The following RAB20 variants were observed in gnomAD, a reference collection of about 807,000 sequenced individuals.
RAB20 encodes ras-related protein Rab-20.
Under a neutral mutation model 3.7 loss-of-function variants are expected in RAB20, and 2 were observed. The observed-to-expected ratio is 0.54, with a 90% CI of 0.22 to 1.69. The LOEUF (loss-of-function observed/expected upper bound fraction) is 1.69, where lower values mean the gene tolerates loss of function less well. RAB20 is among the 40% of genes most tolerant of loss of function. RAB20 has a pLI of 0.19. For synonymous variants in RAB20, 126 were observed against 130.8 expected (o/e 0.96, Z 0.25); for missense variants, 276 against 311.9 (o/e 0.88, Z 0.87).
At chr13:110,551,439 C>T (rs1212324040) in intron 1 of RAB20, among the ~76,000 whole-genome samples, 1 of 152,170 alleles carries the variant, frequency 6.6e-6, no homozygotes, top group East Asian at 1.9e-4. Context: ...CAAGTGCCAG[C>T]AGGCAGATAA....
chr13:110,533,557 G>A (rs759558534), intron 1 of RAB20, among the ~76,000 whole-genome samples: 3 of 152,082 alleles, frequency 2.0e-5, no homozygotes, highest in Non-Finnish European at 4.4e-5. Context: ...ATGATGGTAT[G>A]TGCCTGTAGT....
In RAB20 at chr13:110,544,162, C is replaced by G. The variant is rs559635861; in HGVS notation, c.172+17186G>C. Reference sequence around the variant, plus strand: ...ATTTATTGAAGAGGCTGTCCTTTCCCCCAAAGGTTCTTGGCATCTTTGTCA... The same window carrying G: ...ATTTATTGAAGAGGCTGTCCTTTCCGCCAAAGGTTCTTGGCATCTTTGTCA... On this transcript the variant is annotated intron_variant, in intron 1 of 1. Transcript: ENST00000267328. Among the ~76,000 whole-genome samples the G allele has an allele frequency of 1.2e-4, 19 of 152,268 alleles. No homozygotes were observed. The South Asian group carries it at 3.9e-3, about 32-fold the overall frequency.
intron 1 of RAB20, among the ~76,000 whole-genome samples, chr13:110,546,701 T>G (rs1398634568): frequency 2.5e-5 from 1 of 39,346 alleles, no homozygotes; most frequent in Non-Finnish European, 8.5e-5. Flanking sequence ...TGAACTTCTG[T>G]TTTTTTTTGT....
chr13:110,558,822 C>T (rs777265970), intron 1 of RAB20, among the ~76,000 whole-genome samples: 4 of 151,818 alleles, frequency 2.6e-5, no homozygotes, highest in East Asian at 3.9e-4. Context: ...CTCAGCCTCC[C>T]GAGTAGCTGG....
chr13:110,550,112 G>A (rs1346822060), intron 1 of RAB20, among the ~76,000 whole-genome samples: 1 of 152,078 alleles, frequency 6.6e-6, no homozygotes, highest in Non-Finnish European at 1.5e-5. Context: ...CAGGGTTCAG[G>A]GAGCTCCCAG....
chr13:110,539,605 G>A (rs1299671937), intron 1 of RAB20, among the ~76,000 whole-genome samples: 1 of 149,798 alleles, frequency 6.7e-6, no homozygotes, highest in Non-Finnish European at 1.5e-5. Flanking sequence ...TGTTGCCCAG[G>A]CTGGAGTGCA....
At chr13:110,552,692 CAAATAAATAAATAAAT>C (rs199741920) in intron 1 of RAB20, among the ~76,000 whole-genome samples, 2,664 of 144,766 alleles carry the variant, frequency 0.018, 69 homozygotes, top group African/African-American at 0.064. Flanking sequence ...GACTCCATCT[CAAATAAATAAATAAAT>C]AAATAAATAA....
At chr13:110,545,021 G>T (rs1884828826) in intron 1 of RAB20, among the ~76,000 whole-genome samples, 1 of 152,024 alleles carries the variant, frequency 6.6e-6, no homozygotes, top group Non-Finnish European at 1.5e-5. Flanking sequence ...ATTTTCTCTT[G>T]CCGCCACCAT....
At chr13:110,559,170 G>T (rs1449114891) in intron 1 of RAB20, among the ~76,000 whole-genome samples, 1 of 152,078 alleles carries the variant, frequency 6.6e-6, no homozygotes, top group Non-Finnish European at 1.5e-5. Flanking sequence ...CCATGCAATC[G>T]TTTTTACTAT....
chr13:110,557,479 T>C (rs184528356), intron 1 of RAB20, among the ~76,000 whole-genome samples: 16 of 152,196 alleles, frequency 1.1e-4, no homozygotes, highest in Non-Finnish European at 2.2e-4. Flanking sequence ...GAGGAGGCCC[T>C]GGTGTGGCCA....
chr13:110,526,781 C>T (rs1884436749), intron 1 of RAB20, among the ~76,000 whole-genome samples: 2 of 152,230 alleles, frequency 1.3e-5, no homozygotes. Flanking sequence ...GACACTCCAG[C>T]GTGATGCCCA....
At chr13:110,545,430 C>T (rs1318336298) in intron 1 of RAB20, among the ~76,000 whole-genome samples, 2 of 152,216 alleles carry the variant, frequency 1.3e-5, no homozygotes, top group African/African-American at 2.4e-5. Context: ...TGTTAGAAAT[C>T]GTATTGTGAA....
intron 1 of RAB20, among the ~76,000 whole-genome samples, chr13:110,536,172 C>T (rs1017374511): frequency 2.6e-5 from 4 of 152,212 alleles, no homozygotes; most frequent in East Asian, 1.9e-4. Flanking sequence ...CAGGCAAGGA[C>T]GGCCAGCACC....
intron 1 of RAB20, among the ~76,000 whole-genome samples, chr13:110,559,635 C>A (rs990969671): frequency 1.3e-5 from 2 of 152,212 alleles, no homozygotes; most frequent in Non-Finnish European, 2.9e-5. Flanking sequence ...CCCTTAGGAT[C>A]TTTCGAACAA....
chr13:110,539,166 G>T (rs1884708852), intron 1 of RAB20, among the ~76,000 whole-genome samples: 1 of 152,136 alleles, frequency 6.6e-6, no homozygotes, highest in South Asian at 2.1e-4. Context: ...CTTTAATTTT[G>T]TTCTGAATAG....
chr13:110,529,071 G>C (rs1484071384), intron 1 of RAB20, among the ~76,000 whole-genome samples: 2 of 152,254 alleles, frequency 1.3e-5, no homozygotes, highest in Admixed American at 1.3e-4. Context: ...GTCCCGCAGG[G>C]AACAGAAGTT....
At chr13:110,556,287 G>A (rs1341555969) in intron 1 of RAB20, among the ~76,000 whole-genome samples, 2 of 152,244 alleles carry the variant, frequency 1.3e-5, no homozygotes, top group Non-Finnish European at 2.9e-5. Context: ...GAAGAGGGAA[G>A]CAGAGGGGCT....
chr13:110,555,114 G>A lies in RAB20; in HGVS notation c.172+6234C>T, dbSNP rs1330954147. 6.6e-6 allele frequency among the ~76,000 whole-genome samples: 1 copy of A among 152,198 alleles called. No individual in the cohort carries two copies. The highest frequency in any genetic ancestry group is 2.4e-5 in the African/African-American group (1 of 41,456). On this transcript the variant is annotated intron_variant, in intron 1 of 1. Transcript: ENST00000267328. This position sits in a 1 kb window ranked among gnomAD's most constrained non-coding sequence, Gnocchi z 4.0. ...CTTGTGAAAAGGATGTAGCCCGGGA[G>A]TATGGAGCCTGCACAGAGCCTGGCA... is the stretch of plus-strand genomic sequence containing the variant.
chr13:110,555,907 C>T lies in RAB20; in HGVS notation c.172+5441G>A, dbSNP rs973877182. Reference sequence around the variant, plus strand: ...AGGGGCCCAGCTGAGCCTCCCTCCTCCCTTTGTAACATGCCTGCTGGTGTA... The same window carrying T: ...AGGGGCCCAGCTGAGCCTCCCTCCTTCCTTTGTAACATGCCTGCTGGTGTA... On this transcript the variant is annotated intron_variant, in intron 1 of 1. Coordinates refer to ENST00000267328, the MANE Select transcript of RAB20 (RefSeq NM_017817.3). The surrounding 1 kb of genome is among the most constrained non-coding windows in gnomAD (Gnocchi z 4.0). 3.9e-5 allele frequency among the ~76,000 whole-genome samples: 6 copies of T among 152,210 alleles called. No individual in the cohort carries two copies. The highest frequency in any genetic ancestry group is 1.4e-4 in the African/African-American group (6 of 41,456).
Sources: allele counts gnomAD v4.1 joint callset (sites outside exome capture counted in the v4.1 genomes callset), GRCh38; gene constraint gnomAD v4.1.1; non-coding constraint Gnocchi (gnomAD v3.1); transcripts MANE v1.5; gene names NCBI Gene and HGNC (gene_info 2026-07-23, HGNC 2026-07-21).